Variants in SYNE2 observed in about 807,000 individuals in gnomAD.
SYNE2 encodes the protein spectrin repeat containing nuclear envelope protein 2.
Under a neutral mutation model 856.3 loss-of-function variants are expected in SYNE2, and 431 were observed. The ratio of observed to expected loss-of-function variants is 0.50; its 90% CI spans 0.47 to 0.55. The LOEUF (loss-of-function observed/expected upper bound fraction) is 0.55. Among genes scored for constraint, SYNE2 ranks in the 20% least tolerant of loss-of-function variants. The probability of loss-of-function intolerance (pLI) is 0.00; values close to 1 mark genes in which losing one functional copy is unlikely to be tolerated. For synonymous variants in SYNE2, 2,923 were observed against 2,872.3 expected, an observed-to-expected ratio of 1.02 and a Z score of -0.56; for missense variants, 8,129 against 8,023.2, an observed-to-expected ratio of 1.01 and a Z score of -0.50.
intron 1 of SYNE2, among the ~76,000 whole-genome samples, chr14:63,886,368 T>C (rs866056657): frequency 3.3e-5 from 5 of 152,324 alleles, no homozygotes; most frequent in Middle Eastern, 6.8e-3. Flanking sequence ...AATAATTGAT[T>C]ATAATTTATA....
chr14:63,815,952 T>C (rs561295576), intron 1 of SYNE2, among the ~76,000 whole-genome samples: 2 of 148,036 alleles, frequency 1.4e-5, no homozygotes, highest in Admixed American at 6.7e-5. Context: ...ATTATTCTTT[T>C]TTTTTTTTTT....
chr14:64,033,919 C>G (rs558545316), intron 45 of SYNE2, among the ~76,000 whole-genome samples: 1 of 151,958 alleles, frequency 6.6e-6, no homozygotes, highest in South Asian at 2.1e-4. Context: ...TTGCTTTATT[C>G]TTTTGTAACA....
intron 19 of SYNE2, 84 bp downstream of exon 19, chr14:63,986,701 G>C (rs2096628285): frequency 6.5e-6 from 9 of 1,385,360 alleles, no homozygotes; most frequent in Middle Eastern, 1.8e-4. Context: ...AAAGTAAGTA[G>C]TAATAAGCCT....
At chr14:64,154,409 A>G (rs2098269413) in intron 85 of SYNE2, among the ~76,000 whole-genome samples, 1 of 152,204 alleles carries the variant, frequency 6.6e-6, no homozygotes, top group Non-Finnish European at 1.5e-5. Context: ...AAAAGTATTT[A>G]TAAATCATAT....
At chr14:64,096,564 A>G (rs1210350051) in intron 61 of SYNE2, among the ~76,000 whole-genome samples, 3 of 152,304 alleles carry the variant, frequency 2.0e-5, no homozygotes, top group Non-Finnish European at 4.4e-5. Flanking sequence ...TTTAGTGTTT[A>G]TTGAAAGTGG....
At chr14:63,932,313 C>T (rs1432716720) in intron 2 of SYNE2, among the ~76,000 whole-genome samples, 3 of 152,096 alleles carry the variant, frequency 2.0e-5, no homozygotes, top group Non-Finnish European at 4.4e-5. Context: ...ACCCGGAAGG[C>T]GGAGGTTGCA....
chr14:63,765,015 C>T (rs927337437), intron 1 of SYNE2, among the ~76,000 whole-genome samples: 3 of 152,142 alleles, frequency 2.0e-5, no homozygotes, highest in Non-Finnish European at 2.9e-5. Flanking sequence ...GCCACAACCA[C>T]CCCTACGTGT....
chr14:63,949,286 T>G (rs564588985), intron 6 of SYNE2, among the ~76,000 whole-genome samples: 2 of 152,316 alleles, frequency 1.3e-5, no homozygotes, highest in African/African-American at 4.8e-5. Flanking sequence ...GCCTGTATAA[T>G]ATAATAAAAG....
At chr14:64,093,241 A>G (rs1044301061) in intron 60 of SYNE2, 108 bp from the exon 61 acceptor site, 6 of 1,266,506 alleles carry the variant, frequency 4.7e-6, no homozygotes, top group East Asian at 4.8e-5. Flanking sequence ...CAATGGGTGC[A>G]TATTTGCTGT....
rs954247092 is a variant in SYNE2, at chr14:63,765,102, G to A, written c.-305+3116G>A. ...GAGGAAGGGGCTGTTCTAAGGGTAC[G>A]GGAGAGAGGGGGAGAAATCCCACCT... On this transcript the variant is annotated intron_variant, in intron 1 of 23. Transcript: ENST00000674003. Among the ~76,000 whole-genome samples, 8 of 152,118 alleles carry A rather than the reference G, an allele frequency of 5.3e-5. No homozygotes were observed. The South Asian group carries it at 8.3e-4, about 16-fold the overall frequency.
rs12436433 is a variant in SYNE2, at chr14:64,165,939, T to A, written c.16605+529T>A. On this transcript the variant is annotated intron_variant, in intron 90 of 115. Transcript: ENST00000555002. ...ATACGTCAGAGTAATTTGTAGTAGA[T>A]GTTTTTTCATAATTACCGTCAGTGA... 0.012 allele frequency among the ~76,000 whole-genome samples: 1,755 copies of A among 152,350 alleles called. 70 individuals are homozygous for A. In the East Asian group the frequency reaches 0.12, roughly 10 times the overall value.
chr14:63,940,529 C>A, intron 2 of SYNE2, 85 bp from the exon 3 acceptor site: 1 of 1,230,574 alleles, frequency 8.1e-7, no homozygotes, highest in South Asian at 1.2e-5. Flanking sequence ...ACACACCTAG[C>A]GTGACAGACC....
rs188946964 is a variant in SYNE2 at position 64,119,345 on chromosome 14, A to T, written c.12841-82A>T. The T allele has an allele frequency of 1.1e-3, 1,777 of 1,558,728 alleles. 2 individuals are homozygous for T. Among genetic ancestry groups the T allele is most frequent in the Non-Finnish European group, 1.4e-3 (1,621 of 1,135,432 alleles). On this transcript the variant is annotated intron_variant, in intron 66 of 115. Transcript: ENST00000555002. The stretch of plus-strand genomic sequence containing the variant: ...GACTTCTTGTATACACTTAAGTAAA[A>T]AGAGTAAGTCTTAACTTGTTTGCAG...
intron 9 of SYNE2, among the ~76,000 whole-genome samples, chr14:63,963,413 A>G (rs1345961196): frequency 1.3e-5 from 2 of 152,236 alleles, no homozygotes; most frequent in Non-Finnish European, 2.9e-5. Flanking sequence ...TAAGCAAGCA[A>G]GTTTACCACC....
At chr14:63,787,532 G>A (rs934073245) in intron 1 of SYNE2, among the ~76,000 whole-genome samples, 2 of 152,170 alleles carry the variant, frequency 1.3e-5, no homozygotes, top group Non-Finnish European at 2.9e-5. Context: ...CAGACAAGTG[G>A]ACGATGAGCA....
intron 115 of SYNE2, 117 bp downstream of exon 115, chr14:64,225,162 A>G: frequency 6.5e-7 from 1 of 1,545,054 alleles, no homozygotes; most frequent in East Asian, 2.3e-5. Context: ...TTTGTCTGGA[A>G]AGGGCTGGTT....
intron 33 of SYNE2, among the ~76,000 whole-genome samples, chr14:64,017,328 C>CAAAAAAAAAAAAA (rs34399201): frequency 1.5e-5 from 1 of 66,582 alleles, no homozygotes; most frequent in Non-Finnish European, 2.6e-5. Flanking sequence ...GACTCCATCT[C>CAAAAAAAAAAAAA]AAAAAAAAAA....
chr14:64,005,100 A>G (rs2096786212), intron 30 of SYNE2, among the ~76,000 whole-genome samples: 1 of 152,184 alleles, frequency 6.6e-6, no homozygotes. Context: ...AAGGTGCAGC[A>G]GTGAGGGGGA....
chr14:64,082,305 C>T (rs1209694418), intron 57 of SYNE2, among the ~76,000 whole-genome samples: 3 of 152,128 alleles, frequency 2.0e-5, no homozygotes, highest in Non-Finnish European at 4.4e-5. Context: ...ACTTGATTAA[C>T]ATGATTATAA....
Sources: allele counts gnomAD v4.1 joint callset (sites outside exome capture counted in the v4.1 genomes callset), GRCh38; gene constraint gnomAD v4.1.1; transcripts MANE v1.5; gene names NCBI Gene and HGNC (gene_info 2026-07-23, HGNC 2026-07-21).